The following TTC27 variants were observed in gnomAD, a reference collection of about 807,000 sequenced individuals.
TTC27 encodes tetratricopeptide repeat protein 27.
TTC27 carries 79 observed loss-of-function variants against 115.9 expected under a neutral mutation model. The observed-to-expected ratio is 0.68, with a 90% confidence interval of 0.57 to 0.82. The LOEUF (loss-of-function observed/expected upper bound fraction) is 0.82. TTC27 is among the 40% of genes least tolerant of loss of function. The pLI is 0.00. For missense variants in TTC27, 1,054 were observed against 993.1 expected, an observed-to-expected ratio of 1.06 and a Z score of -0.82; for synonymous variants, 401 against 356.0, an observed-to-expected ratio of 1.13 and a Z score of -1.42.
At position 32,664,451 on chromosome 2, in the gene TTC27, A is replaced by C. The variant is rs1665689074; in HGVS notation, c.789A>C (p.Leu263Phe). ...QLDIAKDISQLQIDLTGALGK... is the reference protein window; with the variant it reads ...QLDIAKDISQFQIDLTGALGK... ...ATATTGCTAAGGACATCAGCCAATT[A>C]CAAATTGATTTGACAGGTAAGACTT... The change falls in exon 6 of 20, where the codon TTA becomes TTC. Residue 263 changes from leucine (L) to phenylalanine (F), a missense_variant. By Grantham distance (22) the Leu-to-Phe change is conservative. Coordinates refer to ENST00000317907, the MANE Select transcript of TTC27 (RefSeq NM_017735.5). 1 of 1,603,124 alleles carries C rather than the reference A, an allele frequency of 6.2e-7. No homozygotes were observed. Among genetic ancestry groups the C allele is most frequent in the South Asian group, 1.1e-5 (1 of 87,736 alleles).
At chr2:32,793,861 A>T (rs569979537) in intron 16 of TTC27, among the ~76,000 whole-genome samples, 1 of 152,076 alleles carries the variant, frequency 6.6e-6, no homozygotes, top group Non-Finnish European at 1.5e-5. Flanking sequence ...TTTGTTTTCC[A>T]TATGATTTAA....
chr2:32,725,763 C>T (rs563586028), intron 10 of TTC27, among the ~76,000 whole-genome samples: 6 of 152,328 alleles, frequency 3.9e-5, no homozygotes, highest in South Asian at 4.1e-4. Context: ...GGCTCCGACC[C>T]CACATTTCCC....
At chr2:32,711,911 G>A (rs1159938035) in intron 10 of TTC27, among the ~76,000 whole-genome samples, 1 of 152,018 alleles carries the variant, frequency 6.6e-6, no homozygotes, top group African/African-American at 2.4e-5. Flanking sequence ...CTGCACTCCA[G>A]CCTGGTGACA....
intron 2 of TTC27, among the ~76,000 whole-genome samples, chr2:32,631,833 T>A (rs1321534333): frequency 6.6e-6 from 1 of 151,350 alleles, no homozygotes; most frequent in Non-Finnish European, 1.5e-5. Flanking sequence ...TTTTTTTTGA[T>A]GGAGTATCAC....
intron 12 of TTC27, among the ~76,000 whole-genome samples, chr2:32,739,135 G>T (rs562641781): frequency 3.1e-4 from 47 of 152,258 alleles, no homozygotes; most frequent in African/African-American, 1.1e-3. Flanking sequence ...GTAGTACTCA[G>T]ATGTTTGTTT....
chr2:32,652,789 A>G (rs774785469), intron 5 of TTC27, among the ~76,000 whole-genome samples: 51 of 152,250 alleles, frequency 3.3e-4, no homozygotes, highest in Non-Finnish European at 7.3e-4. Flanking sequence ...TTCAGCGTCC[A>G]GAGAAGGGTA....
intron 13 of TTC27, among the ~76,000 whole-genome samples, chr2:32,762,935 C>T (rs544381611): frequency 2.6e-5 from 4 of 152,316 alleles, no homozygotes; most frequent in Admixed American, 2.0e-4. Flanking sequence ...CCACCGCGCT[C>T]AGCCCAATAG....
At chr2:32,733,681 A>G in intron 10 of TTC27, 147 bp from the exon 11 acceptor site, 1 of 438,754 alleles carries the variant, frequency 2.3e-6, no homozygotes, top group Non-Finnish European at 3.9e-6. Context: ...AAGAAATTCG[A>G]GAAAAAATTC....
At chr2:32,667,173 T>C (rs1486059383) in intron 7 of TTC27, among the ~76,000 whole-genome samples, 4 of 152,164 alleles carry the variant, frequency 2.6e-5, no homozygotes, top group African/African-American at 9.6e-5. Context: ...AGGCTTTTTC[T>C]AAATATATAA....
intron 16 of TTC27, among the ~76,000 whole-genome samples, chr2:32,797,508 A>G (rs1417015345): frequency 6.6e-6 from 1 of 152,182 alleles, no homozygotes; most frequent in African/African-American, 2.4e-5. Flanking sequence ...TGCCAAGACT[A>G]TTCAATGGGG....
intron 16 of TTC27, among the ~76,000 whole-genome samples, chr2:32,789,970 C>T (rs1469281599): frequency 7.0e-6 from 1 of 143,404 alleles, no homozygotes; most frequent in Non-Finnish European, 1.5e-5. Context: ...GGAGCCTTCC[C>T]TAAGAAAGAA....
chr2:32,682,922 C>T (rs1227122418), intron 9 of TTC27, among the ~76,000 whole-genome samples: 1 of 136,332 alleles, frequency 7.3e-6, no homozygotes, highest in Non-Finnish European at 1.5e-5. Flanking sequence ...GGCGCGATCT[C>T]GGCTCACTGC....
chr2:32,817,446 T>A lies in TTC27; in HGVS notation c.2309-11T>A, dbSNP rs760004089. The A allele has an allele frequency of 6.2e-7, 1 of 1,608,968 alleles. No homozygotes were observed. Among genetic ancestry groups the A allele is most frequent in the East Asian group, 2.2e-5 (1 of 44,822 alleles). ...TTTTAATGGATGTTTCTCTCCATAC[T>A]TATCTTCCAGTGGCCATAAAATGCA... On this transcript the variant is annotated splice_polypyrimidine_tract_variant and intron_variant, in intron 18 of 19. Transcript: ENST00000317907.
intron 7 of TTC27, among the ~76,000 whole-genome samples, chr2:32,669,566 A>G (rs1402526065): frequency 6.6e-6 from 1 of 152,186 alleles, no homozygotes; most frequent in East Asian, 1.9e-4. Context: ...ATTTATAGTG[A>G]TTACAAAACA....
chr2:32,703,543 A>G (rs751917014), intron 10 of TTC27, among the ~76,000 whole-genome samples: 1 of 152,240 alleles, frequency 6.6e-6, no homozygotes, highest in African/African-American at 2.4e-5. Flanking sequence ...TTAATAAATA[A>G]AGATATGCAG....
chr2:32,754,731 G>T (rs1669144084), intron 12 of TTC27, among the ~76,000 whole-genome samples: 1 of 151,360 alleles, frequency 6.6e-6, no homozygotes, highest in East Asian at 2.0e-4. Context: ...CCGGGCAGAG[G>T]CGTCTCTCAC....
chr2:32,682,844 G>GTTTTT (rs142030247), intron 9 of TTC27, among the ~76,000 whole-genome samples: 5,892 of 56,568 alleles, frequency 0.1, 1,542 homozygotes, highest in Non-Finnish European at 0.12. Flanking sequence ...AATTTTTATT[G>GTTTTT]TTGTTTTTTT....
intron 9 of TTC27, among the ~76,000 whole-genome samples, chr2:32,689,046 C>A (rs1007311920): frequency 1.3e-5 from 2 of 152,076 alleles, no homozygotes; most frequent in African/African-American, 4.8e-5. Flanking sequence ...TTATGAAACA[C>A]TGATAAATGC....
At chr2:32,773,171 G>A (rs1336726411) in intron 13 of TTC27, among the ~76,000 whole-genome samples, 2 of 152,292 alleles carry the variant, frequency 1.3e-5, no homozygotes, top group Admixed American at 1.3e-4. Context: ...TTGGCTCCCT[G>A]AGACAGAAAC....
Sources: gnomAD v4.1 joint callset for allele counts (sites outside exome capture counted in the v4.1 genomes callset) on GRCh38, gnomAD v4.1.1 for gene constraint, MANE v1.5 for transcripts, NCBI Gene and HGNC (gene_info 2026-07-23, HGNC 2026-07-21) for gene names.